HCN2: variants seen among roughly 807,000 people sequenced by gnomAD.
HCN2 encodes potassium/sodium hyperpolarization-activated cyclic nucleotide-gated channel 2.
HCN2 carries 20 observed loss-of-function variants against 52.3 expected under a neutral mutation model. The observed-to-expected ratio is 0.38, with a 90% CI of 0.27 to 0.56. The LOEUF is 0.56. Ranked by LOEUF, HCN2 falls within the 20% of genes least tolerant of loss-of-function variation. The pLI is 0.71. For missense variants in HCN2, 981 were observed against 1,207.7 expected, an observed-to-expected ratio of 0.81 and a Z score of 2.78; for synonymous variants, 694 against 537.0, an observed-to-expected ratio of 1.29 and a Z score of -4.04.
In HCN2 at chr19:592,884, G is replaced by A. The variant is rs1016375258; in HGVS notation, c.632+2307G>A. Among the ~76,000 whole-genome samples the A allele has an allele frequency of 2.4e-4, 36 of 152,172 alleles. No individual in the cohort carries two copies. Among genetic ancestry groups the A allele is most frequent in the African/African-American group, 7.2e-4 (30 of 41,436 alleles). On this transcript the variant is annotated intron_variant, in intron 1 of 7. Transcript: ENST00000251287. This position sits in a 1 kb window ranked among gnomAD's most constrained non-coding sequence, Gnocchi z 4.8. ...CAGGAGCCTGGCCCCAACTGGCTTC[G>A]GGCCCAAGGCCTCCTGTGCCTGGCT... is the stretch of plus-strand genomic sequence containing the variant.
rs554183551 is a variant in HCN2 at position 600,893 on chromosome 19, T to G, written c.633-2651T>G. Among the ~76,000 whole-genome samples the G allele has an allele frequency of 3.2e-4, 48 of 152,286 alleles. 1 individual carries two copies. The South Asian group carries it at 9.7e-3, about 31-fold the overall frequency. On this transcript the variant is annotated intron_variant, in intron 1 of 7. Transcript: ENST00000251287. ...GTCACCACTATCCATAGTCCATACC[T>G]TTCTCATTCCCCCGGACAGAAACCG...
At chr19:607,839 C>T in intron 3 of HCN2, 125 bp from the exon 4 acceptor site, 2 of 672,342 alleles carry the variant, frequency 3.0e-6, no homozygotes, top group Admixed American at 4.8e-5. Flanking sequence ...CTCTTGGTTA[C>T]CTCTGAACAT....
At chr19:594,987 G>T (rs1403182009) in intron 1 of HCN2, among the ~76,000 whole-genome samples, 1 of 152,062 alleles carries the variant, frequency 6.6e-6, no homozygotes, top group Admixed American at 6.5e-5. Flanking sequence ...GATCGCTTGA[G>T]CCCAGGAGTT....
intron 1 of HCN2, among the ~76,000 whole-genome samples, chr19:598,343 G>C (rs1490201406): frequency 1.3e-5 from 2 of 150,652 alleles, no homozygotes; most frequent in Admixed American, 6.6e-5. Context: ...GTCTCACTCT[G>C]TCACCCAGGC....
Position 603,826 on chromosome 19 carries a change from C to A in HCN2, c.915C>A (p.Phe305Leu). 1 of 1,612,530 alleles carries A rather than the reference C, an allele frequency of 6.2e-7. No homozygotes were observed. The highest frequency in any genetic ancestry group is 2.2e-5 in the East Asian group (1 of 44,828). The change falls in exon 2 of 8, where the codon TTC (phenylalanine) becomes TTA (leucine). Residue 305 changes from phenylalanine (F) to leucine (L), a missense_variant. Coordinates refer to ENST00000251287, the MANE Select transcript of HCN2 (RefSeq NM_001194.4). ...FVSSIPVDYI[F>L]LIVEKGIDSE... ...CCTCCATCCCCGTGGACTACATCTT[C>A]CTTATCGTGGAGAAGGGCATTGACT...
chr19:610,157 GGT>G, intron 4 of HCN2, 100 bp from the exon 5 acceptor site: 1 of 1,385,622 alleles, frequency 7.2e-7, no homozygotes, highest in Non-Finnish European at 1.0e-6. Context: ...GGCTGGGGGC[GGT>G]GTCTGACCCA....
intron 3 of HCN2, among the ~76,000 whole-genome samples, chr19:605,945 G>A (rs1442179987): frequency 1.3e-5 from 2 of 152,186 alleles, no homozygotes; most frequent in African/African-American, 2.4e-5. Context: ...TGTCCCTGGG[G>A]GTCTGAAACA....
chr19:596,794 C>A (rs1983044672), intron 1 of HCN2, among the ~76,000 whole-genome samples: 1 of 152,076 alleles, frequency 6.6e-6, no homozygotes, highest in South Asian at 2.1e-4. Context: ...GACCCCAGGT[C>A]CCCTCTCTGG....
At position 606,134 on chromosome 19, in the gene HCN2, C is replaced by G. The variant is rs542861958; in HGVS notation, c.1218+912C>G. Among the ~76,000 whole-genome samples, 3 of 152,270 alleles carry G rather than the reference C, an allele frequency of 2.0e-5. No homozygotes were observed. In the South Asian group the frequency reaches 6.2e-4, roughly 32 times the overall value. ...TTTTTTTTTGAGACTGAGTTTCACTCTGTCGCCCAGGCTGGAGTGCAGTGG... is the reference window on the plus strand; with the variant it reads ...TTTTTTTTTGAGACTGAGTTTCACTGTGTCGCCCAGGCTGGAGTGCAGTGG... On this transcript the variant is annotated intron_variant, in intron 3 of 7. Coordinates refer to ENST00000251287, the MANE Select transcript of HCN2 (RefSeq NM_001194.4).
At position 605,217 on chromosome 19, in the gene HCN2, A is replaced by G; in HGVS notation, c.1213A>G (p.Met405Val). 1.2e-6 allele frequency: 2 copies of G among 1,610,308 alleles called. No homozygotes were observed. Among genetic ancestry groups the G allele is most frequent in the Non-Finnish European group, 1.7e-6 (2 of 1,179,336 alleles). ...PRNCWVSINGMVNHSWSELYS... is the reference protein window; with the variant it reads ...PRNCWVSINGVVNHSWSELYS... ...CAACTGCTGGGTGTCCATCAATGGC[A>G]TGGTGGTGAGCGCCGCGGGCCCTGA... Residue 405 changes from methionine to valine, a missense_variant, in exon 3 of 8, where the codon ATG becomes GTG. Physicochemically the swap from Met to Val is conservative, Grantham distance 21. Around this residue, in one of 6 missense-constraint regions of HCN2, gnomAD observed 282 missense variants for 553.8 expected, o/e 0.51. Transcript: ENST00000251287.
rs977678666 is a variant in HCN2, at chr19:617,024, G to A, written c.*550G>A. ...AGGCAGGCCTGGCTGCGCAGGGCGCGGGGGGGAGGCTGGGGTCCCGCCGCC... is the reference window on the plus strand; with the variant it reads ...AGGCAGGCCTGGCTGCGCAGGGCGCAGGGGGGAGGCTGGGGTCCCGCCGCC... On this transcript the variant is annotated 3_prime_UTR_variant, in exon 8 of 8. Transcript: ENST00000251287. 21 of 451,298 alleles carry A rather than the reference G, an allele frequency of 4.7e-5. No individual in the cohort carries two copies. Among genetic ancestry groups the A allele is most frequent in the South Asian group, 3.8e-4 (17 of 44,686 alleles). 28.0% of individuals were successfully genotyped at this position (451,298 alleles called of 1,614,324 possible).
rs1330439992 is a variant in HCN2, at chr19:616,592, T to C, written c.*118T>C. 1 of 568,870 alleles carries C rather than the reference T, an allele frequency of 1.8e-6. No individual in the cohort carries two copies. Among genetic ancestry groups the C allele is most frequent in the East Asian group, 6.0e-5 (1 of 16,596 alleles). 35.2% of individuals were successfully genotyped at this position (568,870 alleles called of 1,614,324 possible). A position where few individuals can be genotyped will look rare whatever the true frequency, so the allele number is the denominator to read the frequency against. On this transcript the variant is annotated 3_prime_UTR_variant, in exon 8 of 8. Transcript: ENST00000251287. ...CCGCCCAGAAGCCATAGACGAGACG[T>C]AGGTAGCCGTAGTTGGACGGACGGG...
rs1403792629 is a variant in HCN2, at chr19:590,589, G to C, written c.632+12G>C. 3 of 1,398,824 alleles carry C rather than the reference G, an allele frequency of 2.1e-6. No individual in the cohort carries two copies. The highest frequency in any genetic ancestry group is 2.8e-6 in the Non-Finnish European group (3 of 1,058,822). The allele number at this position is 1,398,824 out of a possible 1,614,324, so 86.7% of individuals were successfully genotyped here. A position where few individuals can be genotyped will look rare whatever the true frequency, so the allele number is the denominator to read the frequency against. On this transcript the variant is annotated intron_variant, in intron 1 of 7. Coordinates refer to ENST00000251287, the MANE Select transcript of HCN2 (RefSeq NM_001194.4). This position sits in a 1 kb window ranked among gnomAD's most constrained non-coding sequence, Gnocchi z 7.2. ...TACAGCGACTTCAGGTACCGCCTCC[G>C]GGAGGGCCGGTCGGCGCGAGGGGGC...
At chr19:605,268 A>T in intron 3 of HCN2, 46 bp downstream of exon 3, 1 of 1,589,236 alleles carries the variant, frequency 6.3e-7, no homozygotes, top group Non-Finnish European at 8.6e-7. Context: ...AGGCTCCCAT[A>T]CAGAGGGGGG....
chr19:610,877 C>G (rs59753037), intron 5 of HCN2, among the ~76,000 whole-genome samples: 1 of 152,286 alleles, frequency 6.6e-6, no homozygotes, highest in Non-Finnish European at 1.5e-5. Context: ...TCCTGGAGGC[C>G]GGAAGCCCAA....
intron 6 of HCN2, 48 bp from the exon 7 acceptor site, chr19:613,804 C>G: frequency 6.9e-7 from 1 of 1,448,516 alleles, no homozygotes; most frequent in Non-Finnish European, 9.0e-7. Context: ...CGGGGAGGGC[C>G]GCGGCGCCCG....
intron 7 of HCN2, among the ~76,000 whole-genome samples, chr19:614,405 C>T (rs1412016332): frequency 1.3e-5 from 2 of 152,160 alleles, no homozygotes; most frequent in Non-Finnish European, 2.9e-5. Context: ...CTCAGACTCC[C>T]AGGGAGGCTT....
chr19:599,260 CGTG>C (rs1276229487), intron 1 of HCN2, among the ~76,000 whole-genome samples: 2 of 152,246 alleles, frequency 1.3e-5, no homozygotes, highest in Non-Finnish European at 2.9e-5. Flanking sequence ...ACCCCGCAGA[CGTG>C]GTGTTAACAG....
chr19:592,131 G>A lies in HCN2; in HGVS notation c.632+1554G>A, dbSNP rs1982891642. 6.6e-6 allele frequency among the ~76,000 whole-genome samples: 1 copy of A among 152,216 alleles called. No individual in the cohort carries two copies. ...CGGGAAGGACTGGACTTCCAGGGCT[G>A]CTGGTCGGCCTGGCCCCACTTCCAG... On this transcript the variant is annotated intron_variant, in intron 1 of 7. Transcript: ENST00000251287. This position sits in a 1 kb window ranked among gnomAD's most constrained non-coding sequence, Gnocchi z 4.8.
Sources: gnomAD v4.1 joint callset for allele counts (sites outside exome capture counted in the v4.1 genomes callset) on GRCh38, gnomAD v4.1.1 for gene constraint, gnomAD v4.1.1 regional missense constraint, Gnocchi (gnomAD v3.1) non-coding constraint, MANE v1.5 for transcripts, NCBI Gene and HGNC (gene_info 2026-07-23, HGNC 2026-07-21) for gene names.